Variants in CLASP2 observed in about 807,000 individuals in gnomAD.
The protein encoded by CLASP2 is cytoplasmic linker associated protein 2.
Under a neutral mutation model 194.4 loss-of-function variants are expected in CLASP2, and 47 were observed. The ratio of observed to expected loss-of-function variants is 0.24; its 90% CI spans 0.19 to 0.31. CLASP2 has a LOEUF of 0.31. CLASP2 is among the 10% of genes least tolerant of loss of function. The pLI is 1.00. For synonymous variants in CLASP2, 619 were observed against 633.5 expected (o/e 0.98, Z 0.34); for missense variants, 1,445 against 1,823.6 (o/e 0.79, Z 3.78).
rs1276811329 is a variant in CLASP2 at position 33,506,377 on chromosome 3, CGAAAAAAAAAAAA to C, written c.4317+4168_4317+4180del. Among the ~76,000 whole-genome samples the C allele has an allele frequency of 2.5e-3, 156 of 61,878 alleles. 7 individuals carry two copies. The highest frequency in any genetic ancestry group is 0.013 in the Middle Eastern group (1 of 80). 40.6% of individuals were successfully genotyped at this position (61,878 alleles called of 152,430 possible). On this transcript the variant is annotated intron_variant, in intron 37 of 38. Transcript: ENST00000682230. ...TGGGTGACAGAGTGAGACTCTGTCT[CGAAAAAAAAAAAA>C]AAAAAAAAAAAAAAAAGAATTTGCT...
intron 5 of CLASP2, among the ~76,000 whole-genome samples, chr3:33,685,043 A>AATG (rs1393587591): frequency 2.8e-5 from 4 of 144,280 alleles, no homozygotes. Context: ...TAATAATAAT[A>AATG]ATAAATCTAT....
rs1026577079 is a variant in CLASP2 at position 33,603,275 on chromosome 3, G to A, written c.1751-150C>T. Reference sequence around the variant, plus strand: ...GGACAGTACTATTAAGCATTTTAAAGTCAGAATGCCTCAGTTTCAATCACA... The same window carrying A: ...GGACAGTACTATTAAGCATTTTAAAATCAGAATGCCTCAGTTTCAATCACA... On this transcript the variant is annotated intron_variant, in intron 17 of 38. Coordinates refer to ENST00000682230, the MANE Select transcript of CLASP2 (RefSeq NM_001365631.1). 3 of 738,968 alleles carry A rather than the reference G, an allele frequency of 4.1e-6. No individual in the cohort carries two copies. In the African/African-American group the frequency reaches 5.3e-5, roughly 13 times the overall value. 45.8% of individuals were successfully genotyped at this position (738,968 alleles called of 1,614,324 possible).
Position 33,606,659 on chromosome 3 carries a change from C to G in CLASP2, c.1626G>C (p.Lys542Asn), listed in dbSNP as rs1252535258. Residue 542 changes from lysine to asparagine, a missense_variant, in exon 16 of 39, where the codon AAG becomes AAC. By Grantham distance (94) the Lys-to-Asn change is moderately conservative. Transcript: ENST00000682230. ...GAAGAGATGCTACACTGCCAGAACT[C>G]TTTAAGTAAGTTTGAAGACTCTTCT... ...SYQKSLQTYL[K>N]SSGSVASLPQ... 1 of 1,613,660 alleles carries G rather than the reference C, an allele frequency of 6.2e-7. No homozygotes were observed. Among genetic ancestry groups the G allele is most frequent in the East Asian group, 2.2e-5 (1 of 44,860 alleles).
chr3:33,704,530 T>C (rs1464079995), intron 1 of CLASP2, among the ~76,000 whole-genome samples: 1 of 152,048 alleles, frequency 6.6e-6, no homozygotes, highest in Non-Finnish European at 1.5e-5. Context: ...AGCGGGTGGA[T>C]CACCTGAGGT....
chr3:33,568,184 GCT>G (rs1329449394), intron 26 of CLASP2, among the ~76,000 whole-genome samples: 1 of 152,038 alleles, frequency 6.6e-6, no homozygotes, highest in Non-Finnish European at 1.5e-5. Context: ...TGGCCTGCAA[GCT>G]ATTTCTAATT....
At chr3:33,625,223 G>A (rs150888868) in intron 10 of CLASP2, among the ~76,000 whole-genome samples, 18 of 151,156 alleles carry the variant, frequency 1.2e-4, no homozygotes, top group African/African-American at 4.4e-4. Context: ...GATAGCATTA[G>A]GAGATATAAC....
intron 29 of CLASP2, among the ~76,000 whole-genome samples, chr3:33,555,717 C>A (rs2060806537): frequency 6.6e-6 from 1 of 152,132 alleles, no homozygotes; most frequent in South Asian, 2.1e-4. Flanking sequence ...GTGTGAATAG[C>A]TGGAAGGTGA....
chr3:33,693,097 A>G (rs2091522224), intron 2 of CLASP2, among the ~76,000 whole-genome samples: 2 of 152,190 alleles, frequency 1.3e-5, no homozygotes, highest in South Asian at 2.1e-4. Flanking sequence ...TGTAAATTGC[A>G]TATTTTTTGT....
intron 1 of CLASP2, among the ~76,000 whole-genome samples, chr3:33,699,839 C>A: frequency 6.9e-6 from 1 of 144,244 alleles, no homozygotes. Context: ...TAAGTGAAAC[C>A]GTAGAAAGCA....
intron 34 of CLASP2, among the ~76,000 whole-genome samples, chr3:33,529,954 C>T (rs188159323): frequency 4.2e-5 from 5 of 119,232 alleles, no homozygotes; most frequent in Admixed American, 1.3e-4. Flanking sequence ...GTCCGCAGTC[C>T]GGGCTGGGCG....
At chr3:33,620,427 A>T (rs550004939) in intron 11 of CLASP2, among the ~76,000 whole-genome samples, 42 of 152,306 alleles carry the variant, frequency 2.8e-4, no homozygotes, top group African/African-American at 1.0e-3. Context: ...TGCTTGCAAT[A>T]CTGGTTAATT....
chr3:33,518,068 T>C (rs1292733456), intron 34 of CLASP2, among the ~76,000 whole-genome samples: 1 of 152,242 alleles, frequency 6.6e-6, no homozygotes, highest in Non-Finnish European at 1.5e-5. Context: ...AATTCTTCTG[T>C]AGAGAATAAC....
Position 33,667,406 on chromosome 3 carries a change from C to CAAAAA in CLASP2, c.645-3896_645-3892dup, listed in dbSNP as rs537846651. On this transcript the variant is annotated intron_variant, in intron 6 of 38. Coordinates refer to ENST00000682230, the MANE Select transcript of CLASP2 (RefSeq NM_001365631.1). ...CCTGGGTGACAGAGTGAGACTATCT[C>CAAAAA]AAAAAAAAAAAAAAAAAAAAAAGAC... Among the ~76,000 whole-genome samples the CAAAAA allele has an allele frequency of 3.9e-4, 17 of 44,112 alleles. 1 individual carries two copies. Among genetic ancestry groups the CAAAAA allele is most frequent in the African/African-American group, 1.3e-3 (12 of 9,290 alleles). 28.9% of individuals were successfully genotyped at this position (44,112 alleles called of 152,430 possible).
intron 10 of CLASP2, among the ~76,000 whole-genome samples, chr3:33,625,513 CAA>C (rs771305104): frequency 5.7e-5 from 7 of 122,002 alleles, no homozygotes; most frequent in Non-Finnish European, 3.5e-5. Flanking sequence ...TTTGTTAAGC[CAA>C]AAAAAAAAAA....
At chr3:33,661,675 C>T (rs1433199650) in intron 7 of CLASP2, among the ~76,000 whole-genome samples, 1 of 152,162 alleles carries the variant, frequency 6.6e-6, no homozygotes, top group African/African-American at 2.4e-5. Context: ...GCCTATTAGG[C>T]AGCCAAATGG....
At chr3:33,549,824 G>A (rs941364774) in intron 30 of CLASP2, among the ~76,000 whole-genome samples, 8 of 149,886 alleles carry the variant, frequency 5.3e-5, no homozygotes, top group Non-Finnish European at 1.5e-5. Context: ...TTGCATCCTC[G>A]ACCTCCTGGG....
At chr3:33,511,030 ATTTTT>A (rs397875429) in intron 36 of CLASP2, among the ~76,000 whole-genome samples, 2 of 105,884 alleles carry the variant, frequency 1.9e-5, no homozygotes. Flanking sequence ...TGGCTAAAGT[ATTTTT>A]TTTTTTTTTT....
rs1447082831 is a variant in CLASP2 at position 33,708,536 on chromosome 3, GTATATATGTA to G, written c.195+9262_195+9271del. ...TATATGTATATATGTATATATATAT[GTATATATGTA>G]TATATATATATATATACATACACAC... On this transcript the variant is annotated intron_variant, in intron 1 of 38. Coordinates refer to ENST00000682230, the MANE Select transcript of CLASP2 (RefSeq NM_001365631.1). Among the ~76,000 whole-genome samples the G allele has an allele frequency of 9.6e-3, 123 of 12,812 alleles. 1 individual carries two copies. The highest frequency in any genetic ancestry group is 0.037 in the African/African-American group (105 of 2,810). The allele number at this position is 12,812 out of a possible 152,430, so 8.4% of individuals were successfully genotyped here. A position where few individuals can be genotyped will look rare whatever the true frequency, so the allele number is the denominator to read the frequency against.
chr3:33,617,946 TA>T, intron 12 of CLASP2, among the ~76,000 whole-genome samples: 1 of 112,750 alleles, frequency 8.9e-6, no homozygotes, highest in African/African-American at 3.9e-5. Flanking sequence ...TATATATATA[TA>T]TATATTTTTT....
Sources: allele counts gnomAD v4.1 joint callset (sites outside exome capture counted in the v4.1 genomes callset), GRCh38; gene constraint gnomAD v4.1.1; transcripts MANE v1.5; gene names NCBI Gene and HGNC (gene_info 2026-07-23, HGNC 2026-07-21).